XRN2: variants seen among roughly 807,000 people sequenced by gnomAD.
XRN2 encodes 5'-3' exoribonuclease 2.
Under a neutral mutation model 138.5 loss-of-function variants are expected in XRN2, and 44 were observed. The ratio of observed to expected loss-of-function variants is 0.32; its 90% CI spans 0.25 to 0.41. The LOEUF (loss-of-function observed/expected upper bound fraction) is 0.41, where lower values mean the gene tolerates loss of function less well. Ranked by LOEUF, XRN2 falls within the 10% of genes least tolerant of loss-of-function variation. XRN2 has a pLI of 1.00. For synonymous variants in XRN2, 354 were observed against 369.4 expected (o/e 0.96, Z 0.48); for missense variants, 937 against 1,169.3 (o/e 0.80, Z 2.90).
intron 27 of XRN2, among the ~76,000 whole-genome samples, chr20:21,371,557 T>A (rs1428739138): frequency 6.6e-6 from 1 of 152,260 alleles, no homozygotes; most frequent in Non-Finnish European, 1.5e-5. Flanking sequence ...TATCAAGTCA[T>A]ACCATGTACA....
At chr20:21,318,603 G>C (rs202830) in intron 1 of XRN2, among the ~76,000 whole-genome samples, 140,241 of 152,108 alleles carry the variant, frequency 0.92, 64,763 homozygotes, top group Non-Finnish European at 0.95. Context: ...AAATTTCCAT[G>C]TGAACACTGC....
chr20:21,361,248 A>G (rs1221434525), intron 24 of XRN2, among the ~76,000 whole-genome samples: 2 of 152,292 alleles, frequency 1.3e-5, no homozygotes, highest in East Asian at 3.9e-4. Context: ...ATTTTCAACC[A>G]TGCTTAGGTT....
In XRN2 at chr20:21,348,536, G is replaced by GA. The variant is rs1383757783; in HGVS notation, c.1863+109dup. On this transcript the variant is annotated intron_variant, in intron 19 of 29. Transcript: ENST00000377191. ...CTGATAGTTAAAACAGTGAAGTACAGAAACAGTATGTTTTTTACTCCAAAC... is the reference window on the plus strand; with the variant it reads ...CTGATAGTTAAAACAGTGAAGTACAGAAAACAGTATGTTTTTTACTCCAAAC... 6 of 996,682 alleles carry GA rather than the reference G, an allele frequency of 6.0e-6. No individual in the cohort carries two copies. In the African/African-American group the frequency reaches 9.7e-5, roughly 16 times the overall value. 61.7% of individuals were successfully genotyped at this position (996,682 alleles called of 1,614,324 possible). A position where few individuals can be genotyped will look rare whatever the true frequency, so the allele number is the denominator to read the frequency against.
chr20:21,309,287 G>T (rs1442690117), intron 1 of XRN2, among the ~76,000 whole-genome samples: 2 of 152,210 alleles, frequency 1.3e-5, no homozygotes, highest in African/African-American at 4.8e-5. Context: ...TGGACTTGGA[G>T]TTTTGTGGGA....
In XRN2 at chr20:21,340,255, A is replaced by C. The variant is rs548464948; in HGVS notation, c.1279-466A>C. 1.1e-4 allele frequency among the ~76,000 whole-genome samples: 16 copies of C among 152,266 alleles called. No homozygotes were observed. The South Asian group carries it at 3.3e-3, about 32-fold the overall frequency. On this transcript the variant is annotated intron_variant, in intron 14 of 29. Coordinates refer to ENST00000377191, the MANE Select transcript of XRN2 (RefSeq NM_012255.5). ...GGTTGCAGTGAGTGGAGATTGCACC[A>C]CTGCACCCTAGCCTGCACAACAGAG...
intron 7 of XRN2, 33 bp downstream of exon 7, chr20:21,331,666 T>C (rs2038211571): frequency 6.2e-7 from 1 of 1,602,686 alleles, no homozygotes; most frequent in Non-Finnish European, 8.5e-7. Context: ...TGATTATATG[T>C]TCTATTTTTA....
intron 1 of XRN2, among the ~76,000 whole-genome samples, chr20:21,324,870 A>G (rs552759054): frequency 2.3e-4 from 35 of 152,206 alleles, no homozygotes; most frequent in Non-Finnish European, 4.7e-4. Context: ...CTGAAAGTGT[A>G]TGATTCAGTG....
chr20:21,346,305 T>C, intron 16 of XRN2, 110 bp from the exon 17 acceptor site: 1 of 1,400,124 alleles, frequency 7.1e-7, no homozygotes, highest in Non-Finnish European at 9.8e-7. Flanking sequence ...TTTAACTCTT[T>C]CACATTTCCC....
intron 24 of XRN2, among the ~76,000 whole-genome samples, chr20:21,361,384 A>G (rs546919889): frequency 1.1e-4 from 17 of 152,330 alleles, no homozygotes; most frequent in South Asian, 1.0e-3. Flanking sequence ...TGGTACATAA[A>G]AGCTTGATGA....
At chr20:21,349,036 T>G (rs2038473538) in intron 19 of XRN2, among the ~76,000 whole-genome samples, 1 of 152,144 alleles carries the variant, frequency 6.6e-6, no homozygotes, top group African/African-American at 2.4e-5. Context: ...GAAACTGCCT[T>G]ACCCAAAATC....
intron 20 of XRN2, among the ~76,000 whole-genome samples, chr20:21,353,794 T>TAAAA (rs11483541): frequency 1.4e-5 from 2 of 138,942 alleles, no homozygotes; most frequent in African/African-American, 2.7e-5. Flanking sequence ...GACCCTATCT[T>TAAAA]AAAAAAAAAA....
chr20:21,351,917 A>G (rs1182773444), intron 20 of XRN2, among the ~76,000 whole-genome samples: 1 of 152,118 alleles, frequency 6.6e-6, no homozygotes, highest in Admixed American at 6.5e-5. Context: ...CCATTGAGCT[A>G]TGTGTTTTTC....
intron 27 of XRN2, among the ~76,000 whole-genome samples, chr20:21,377,038 A>G (rs1015532963): frequency 3.9e-5 from 6 of 152,154 alleles, no homozygotes; most frequent in Non-Finnish European, 8.8e-5. Flanking sequence ...AAACCTTGGA[A>G]AGCTTGGGTT....
intron 16 of XRN2, among the ~76,000 whole-genome samples, chr20:21,345,859 G>A (rs1194601193): frequency 6.6e-6 from 1 of 152,122 alleles, no homozygotes; most frequent in Non-Finnish European, 1.5e-5. Context: ...AGCTGAAAGA[G>A]GGATAAGGCC....
rs377309279 is a variant in XRN2 at position 21,356,106 on chromosome 20, G to A, written c.2047G>A (p.Val683Ile). ...CAGAAGAAACAGCCTTGGAGGTGAT[G>A]TCTTATTTGTGGGGAAACATCACCC... Reference protein sequence around the residue: ...ETRRNSLGGDVLFVGKHHPLH... With the variant: ...ETRRNSLGGDILFVGKHHPLH... The change falls in exon 22 of 30, where the codon GTC (valine) becomes ATC (isoleucine). Residue 683 changes from valine (V) to isoleucine (I), a missense_variant. Coordinates refer to ENST00000377191, the MANE Select transcript of XRN2 (RefSeq NM_012255.5). 6 of 1,612,526 alleles carry A rather than the reference G, an allele frequency of 3.7e-6. No individual in the cohort carries two copies. The African/African-American group carries it at 5.3e-5, about 14-fold the overall frequency.
chr20:21,370,766 A>C (rs2038752818), intron 27 of XRN2, among the ~76,000 whole-genome samples: 1 of 152,252 alleles, frequency 6.6e-6, no homozygotes, highest in African/African-American at 2.4e-5. Flanking sequence ...GTTGAATGTT[A>C]GACTTCATAG....
At position 21,389,716 on chromosome 20, in the gene XRN2, C is replaced by G. The variant is rs2038969180; in HGVS notation, c.*378C>G. The G allele has an allele frequency of 6.3e-6, 1 of 158,602 alleles. No individual in the cohort carries two copies. Among genetic ancestry groups the G allele is most frequent in the Middle Eastern group, 3.1e-3 (1 of 318 alleles). The allele number at this position is 158,602 out of a possible 1,614,324, so 9.8% of individuals were successfully genotyped here. The stretch of plus-strand genomic sequence containing the variant: ...GAACTCGAGCTGGAACCTCAGCAAA[C>G]TAGAGTATATATTGTTCAGTATTTC... On this transcript the variant is annotated 3_prime_UTR_variant, in exon 30 of 30. Coordinates refer to ENST00000377191, the MANE Select transcript of XRN2 (RefSeq NM_012255.5).
rs756640445 is a variant in XRN2 at position 21,330,435 on chromosome 20, A to G, written c.428-46A>G. On this transcript the variant is annotated intron_variant, in intron 4 of 29. Coordinates refer to ENST00000377191, the MANE Select transcript of XRN2 (RefSeq NM_012255.5). ...GTTCTGGCTTAATGTTGAGTAATTT[A>G]TCTCACTTTTTATGGGGAGAACAAA... 24 of 1,596,406 alleles carry G rather than the reference A, an allele frequency of 1.5e-5. 3 individuals carry two copies. The South Asian group carries it at 2.3e-4, about 15-fold the overall frequency.
At chr20:21,373,536 G>A (rs1156431560) in intron 27 of XRN2, among the ~76,000 whole-genome samples, 2 of 152,316 alleles carry the variant, frequency 1.3e-5, no homozygotes, top group East Asian at 3.9e-4. Flanking sequence ...TTTAGTGAAT[G>A]AAAGTGCCAG....
Sources: gnomAD v4.1 joint callset for allele counts (sites outside exome capture counted in the v4.1 genomes callset) on GRCh38, gnomAD v4.1.1 for gene constraint, MANE v1.5 for transcripts, NCBI Gene and HGNC (gene_info 2026-07-23, HGNC 2026-07-21) for gene names.